The following ITPR1 variants were observed in gnomAD, a reference collection of about 807,000 sequenced individuals.
ITPR1 encodes inositol 1,4,5-trisphosphate receptor type 1, also known as inositol 1,4,5-trisphosphate-gated calcium channel ITPR1.
Under a neutral mutation model 318.4 loss-of-function variants are expected in ITPR1, and 96 were observed. The observed-to-expected ratio is 0.30, with a 90% CI of 0.26 to 0.36. ITPR1 has a LOEUF of 0.36. ITPR1 is among the 10% of genes least tolerant of loss of function. The pLI is 1.00. For synonymous variants in ITPR1, 1,312 were observed against 1,289.9 expected, an observed-to-expected ratio of 1.02 and a Z score of -0.37; for missense variants, 2,440 against 3,460.2, an observed-to-expected ratio of 0.71 and a Z score of 7.40.
rs556737294 is a variant in ITPR1 at position 4,516,033 on chromosome 3, C to G, written c.-16-443C>G. Among the ~76,000 whole-genome samples the G allele has an allele frequency of 5.9e-5, 9 of 152,330 alleles. No individual in the cohort carries two copies. The South Asian group carries it at 1.9e-3, about 32-fold the overall frequency. On this transcript the variant is annotated intron_variant, in intron 2 of 61. Transcript: ENST00000649015. ...CCAGGCACTGTGGCCTTGCCAGAAGCAGGTTTTTATACCAGGTGTTTCCTT... is the reference window on the plus strand; with the variant it reads ...CCAGGCACTGTGGCCTTGCCAGAAGGAGGTTTTTATACCAGGTGTTTCCTT...
chr3:4,519,094 G>T (rs1043107337), intron 3 of ITPR1, among the ~76,000 whole-genome samples: 1 of 152,140 alleles, frequency 6.6e-6, no homozygotes, highest in Non-Finnish European at 1.5e-5. Flanking sequence ...AACTGAGACC[G>T]GTAGGGGTAA....
intron 2 of ITPR1, among the ~76,000 whole-genome samples, chr3:4,515,309 T>C (rs1336856336): frequency 6.6e-6 from 1 of 152,194 alleles, no homozygotes; most frequent in Non-Finnish European, 1.5e-5. Context: ...CAGGAAGCAA[T>C]TGAAGGAGAC....
At chr3:4,818,784 G>T (rs1161316344) in intron 60 of ITPR1, among the ~76,000 whole-genome samples, 1 of 152,174 alleles carries the variant, frequency 6.6e-6, no homozygotes, top group African/African-American at 2.4e-5. Flanking sequence ...CTGATGGGAA[G>T]TGTGGATACT....
chr3:4,748,068 G>A (rs1329662424), intron 44 of ITPR1, among the ~76,000 whole-genome samples: 1 of 152,204 alleles, frequency 6.6e-6, no homozygotes, highest in Non-Finnish European at 1.5e-5. Context: ...TGTGCGTGGA[G>A]CCAGTAGGTA....
rs2046429189 is a variant in ITPR1 at position 4,775,513 on chromosome 3, C to G, written c.6180+71C>G. On this transcript the variant is annotated intron_variant, in intron 47 of 61. Coordinates refer to ENST00000649015, the MANE Select transcript of ITPR1 (RefSeq NM_001378452.1). ...TTGGAAATGTTGATAGAGACTAGTT[C>G]AGAAATCACGAAGCCTGTGCCTGTT... is the stretch of plus-strand genomic sequence containing the variant. 6 of 1,195,728 alleles carry G rather than the reference C, an allele frequency of 5.0e-6. No individual in the cohort carries two copies. In the South Asian group the frequency reaches 7.8e-5, roughly 16 times the overall value. The allele number at this position is 1,195,728 out of a possible 1,614,324, so 74.1% of individuals were successfully genotyped here.
intron 4 of ITPR1, among the ~76,000 whole-genome samples, chr3:4,586,797 T>C (rs866101331): frequency 2.0e-5 from 3 of 151,936 alleles, no homozygotes; most frequent in African/African-American, 7.3e-5. Context: ...TAAATGCATA[T>C]TGGTTTGTTT....
At chr3:4,806,077 C>A in intron 54 of ITPR1, 26 bp from the exon 55 acceptor site, 1 of 1,602,190 alleles carries the variant, frequency 6.2e-7, no homozygotes, top group Non-Finnish European at 8.5e-7. Context: ...TCCGTGCCAT[C>A]TGACTGTTCC....
In ITPR1 at chr3:4,811,451, G is replaced by A. The variant is rs1257206568; in HGVS notation, c.7459G>A (p.Ala2487Thr). 2 of 1,613,532 alleles carry A rather than the reference G, an allele frequency of 1.2e-6. No individual in the cohort carries two copies. Among genetic ancestry groups the A allele is most frequent in the Non-Finnish European group, 1.7e-6 (2 of 1,179,624 alleles). Reference protein sequence around the residue: ...LEVDRLPNETAVPETGESLAS... With the variant: ...LEVDRLPNETTVPETGESLAS... ...AGTAGATAGGCTGCCCAATGAAACA[G>A]CTGTTCCAGGTGGGTTTGGGATCTT... is the stretch of plus-strand genomic sequence containing the variant. Residue 2487 changes from alanine (A) to threonine (T), a missense_variant, in exon 56 of 62, where the codon GCT becomes ACT. Physicochemically the swap from Ala to Thr is moderately conservative, Grantham distance 58. This residue lies in a region of ITPR1 where 88 missense variants were observed against 90.5 expected (regional missense o/e 0.97). Coordinates refer to ENST00000649015, the MANE Select transcript of ITPR1 (RefSeq NM_001378452.1).
At position 4,680,698 on chromosome 3, in the gene ITPR1, G is replaced by C; in HGVS notation, c.3106+7G>C. ...GGGCCAAGTAATGTACCAGGTTAGT[G>C]ATTCAGAATGGAATTTCAGCCATAG... On this transcript the variant is annotated splice_region_variant and intron_variant, in intron 25 of 61. Coordinates refer to ENST00000649015, the MANE Select transcript of ITPR1 (RefSeq NM_001378452.1). The C allele has an allele frequency of 6.2e-7, 1 of 1,603,914 alleles. No homozygotes were observed. The highest frequency in any genetic ancestry group is 8.5e-7 in the Non-Finnish European group (1 of 1,174,632).
rs764764412 is a variant in ITPR1, at chr3:4,673,349, C to T, written c.2418C>T (p.Arg806=). The T allele has an allele frequency of 6.2e-6, 10 of 1,611,644 alleles. No individual in the cohort carries two copies. The highest frequency in any genetic ancestry group is 7.6e-6 in the Non-Finnish European group (9 of 1,178,052). ...QEQVTPVKYA[R]LWSEIPSEIA... Reference sequence around the variant, plus strand: ...AAGTCACCCCCGTGAAATATGCCCGCCTCTGGTCGGAGATTCCCTCGGAGA... The same window carrying T: ...AAGTCACCCCCGTGAAATATGCCCGTCTCTGGTCGGAGATTCCCTCGGAGA... The change falls in exon 21 of 62, where the codon CGC becomes CGT. Residue 806 remains arginine (R), a synonymous_variant. Coordinates refer to ENST00000649015, the MANE Select transcript of ITPR1 (RefSeq NM_001378452.1).
rs1465881024 is a variant in ITPR1 at position 4,663,221 on chromosome 3, G to A, written c.1554+15G>A. 1.9e-6 allele frequency: 3 copies of A among 1,598,680 alleles called. No homozygotes were observed. Among genetic ancestry groups the A allele is most frequent in the African/African-American group, 2.7e-5 (2 of 74,530 alleles). The stretch of plus-strand genomic sequence containing the variant: ...TTCTCAAGCAGGTCGGTGAGATGTG[G>A]CGTACTGGGGATTTGGCTTTATGAG... On this transcript the variant is annotated intron_variant, in intron 16 of 61. Transcript: ENST00000649015.
Position 4,688,539 on chromosome 3 carries a change from A to G in ITPR1, c.3747A>G (p.Glu1249=). Residue 1249 remains glutamate, a synonymous_variant, in exon 31 of 62, where the codon GAA becomes GAG. Coordinates refer to ENST00000649015, the MANE Select transcript of ITPR1 (RefSeq NM_001378452.1). The part of the protein sequence containing the change: ...KMQEIMRLAH[E]FLQNFCAGNQ... ...AAGAGATAATGAGGTTGGCTCATGA[A>G]TTTTTGCAGAATTTCTGCGCAGGCA... is the stretch of plus-strand genomic sequence containing the variant. 1 of 1,614,000 alleles carries G rather than the reference A, an allele frequency of 6.2e-7. No individual in the cohort carries two copies. The highest frequency in any genetic ancestry group is 8.5e-7 in the Non-Finnish European group (1 of 1,179,872).
chr3:4,598,148 G>A (rs1017156502), intron 4 of ITPR1, among the ~76,000 whole-genome samples: 1 of 152,114 alleles, frequency 6.6e-6, no homozygotes, highest in Non-Finnish European at 1.5e-5. Flanking sequence ...GTTAAAATTT[G>A]TACCATCCTT....
chr3:4,634,153 G>A (rs1480044949), intron 5 of ITPR1, among the ~76,000 whole-genome samples: 2 of 152,012 alleles, frequency 1.3e-5, no homozygotes, highest in East Asian at 3.8e-4. Context: ...AGGGAAAAGA[G>A]TAATAGATAT....
At chr3:4,636,872 G>A (rs1401325418) in intron 5 of ITPR1, among the ~76,000 whole-genome samples, 2 of 152,246 alleles carry the variant, frequency 1.3e-5, no homozygotes, top group African/African-American at 4.8e-5. Context: ...AGTCTTTAAT[G>A]TGGAATATGC....
intron 6 of ITPR1, 58 bp downstream of exon 6, chr3:4,639,528 G>C: frequency 8.0e-7 from 1 of 1,256,278 alleles, no homozygotes; most frequent in Non-Finnish European, 1.1e-6. Context: ...ATGCAGCTGA[G>C]GAAACAAACA....
At chr3:4,745,924 C>T (rs895391857) in intron 44 of ITPR1, among the ~76,000 whole-genome samples, 4 of 152,208 alleles carry the variant, frequency 2.6e-5, no homozygotes, top group African/African-American at 7.2e-5. Context: ...ACTTCTTTTT[C>T]TCTTGCTTTT....
At chr3:4,692,251 C>T (rs1398300486) in intron 32 of ITPR1, among the ~76,000 whole-genome samples, 1 of 151,372 alleles carries the variant, frequency 6.6e-6, no homozygotes, top group African/African-American at 2.4e-5. Context: ...CCTTTCAACT[C>T]CTCAGTGAGC....
chr3:4,608,651 C>T (rs1181219684), intron 4 of ITPR1, among the ~76,000 whole-genome samples: 1 of 151,916 alleles, frequency 6.6e-6, no homozygotes, highest in Non-Finnish European at 1.5e-5. Context: ...GGATGCTGTT[C>T]AGCATCTTAC....
Sources: gnomAD v4.1 joint callset for allele counts (sites outside exome capture counted in the v4.1 genomes callset) on GRCh38, gnomAD v4.1.1 for gene constraint, gnomAD v4.1.1 regional missense constraint, MANE v1.5 for transcripts, NCBI Gene and HGNC (gene_info 2026-07-23, HGNC 2026-07-21) for gene names.